Variants in TSHR observed in about 807,000 individuals in gnomAD.
The protein encoded by TSHR is thyroid stimulating hormone receptor, also known as thyrotropin receptor.
In TSHR, 51 loss-of-function variants were observed where a neutral mutation model predicts 64.1. The ratio of observed to expected loss-of-function variants is 0.80; its 90% CI spans 0.64 to 1.01. The LOEUF (loss-of-function observed/expected upper bound fraction) is 1.01. TSHR is among the 50% of genes least tolerant of loss of function. The pLI, the probability that TSHR is intolerant of heterozygous loss-of-function variation, is 0.00. For missense variants in TSHR, 877 were observed against 942.8 expected (o/e 0.93, Z 0.91); for synonymous variants, 361 against 361.9 (o/e 1.00, Z 0.03).
intron 8 of TSHR, among the ~76,000 whole-genome samples, chr14:81,111,601 A>G (rs746162321): frequency 1.3e-5 from 2 of 152,204 alleles, no homozygotes; most frequent in Non-Finnish European, 2.9e-5. Context: ...TGGTCCATCC[A>G]TATCGAACCT....
chr14:81,058,691 G>A (rs1886002891), intron 1 of TSHR, among the ~76,000 whole-genome samples: 1 of 152,154 alleles, frequency 6.6e-6, no homozygotes, highest in African/African-American at 2.4e-5. Flanking sequence ...CAAAAGTGAA[G>A]CACTTTGAAG....
intron 7 of TSHR, chr14:81,105,240 C>T: frequency 1.0e-6 from 1 of 984,876 alleles, no homozygotes; most frequent in Non-Finnish European, 1.2e-6. Context: ...GACTGATAAT[C>T]CCAGGAAATG....
chr14:81,137,795 C>G (rs1211487449), intron 8 of TSHR, among the ~76,000 whole-genome samples: 1 of 152,212 alleles, frequency 6.6e-6, no homozygotes, highest in Non-Finnish European at 1.5e-5. Context: ...AAAATGCAAA[C>G]ACATTACTTG....
chr14:81,121,735 A>C (rs1890800278), intron 8 of TSHR, among the ~76,000 whole-genome samples: 1 of 152,048 alleles, frequency 6.6e-6, no homozygotes. Flanking sequence ...TGAGGTCGGG[A>C]GTTTGAGGTC....
Position 81,144,302 on chromosome 14 carries a change from C to A in TSHR, c.2244C>A (p.Thr748=). 2 of 1,614,120 alleles carry A rather than the reference C, an allele frequency of 1.2e-6. No individual in the cohort carries two copies. The highest frequency in any genetic ancestry group is 4.5e-5 in the East Asian group (2 of 44,876). The change falls in exon 10 of 10, where the codon ACC becomes ACA. Residue 748 remains threonine, a synonymous_variant. Transcript: ENST00000298171. ...VYELIENSHL[T]PKKQGQISEE... is the part of the protein sequence containing the mutation. ...AACTGATTGAAAACTCCCATCTAAC[C>A]CCAAAGAAGCAAGGCCAAATCTCAG...
intron 8 of TSHR, among the ~76,000 whole-genome samples, chr14:81,120,895 A>G (rs1391042394): frequency 6.6e-6 from 1 of 152,192 alleles, no homozygotes; most frequent in Non-Finnish European, 1.5e-5. Flanking sequence ...AAAACAATAA[A>G]AGAGCTTTTG....
chr14:81,090,976 C>T, intron 4 of TSHR, 93 bp from the exon 5 acceptor site: 1 of 1,099,934 alleles, frequency 9.1e-7, no homozygotes, highest in Non-Finnish European at 1.4e-6. Flanking sequence ...CTTCAGAACC[C>T]ATGCTTTCAG....
chr14:81,143,906 G>A lies in TSHR; in HGVS notation c.1848G>A (p.Gly616=), dbSNP rs1891820168. The A allele has an allele frequency of 6.2e-7, 1 of 1,614,118 alleles. No individual in the cohort carries two copies. Among genetic ancestry groups the A allele is most frequent in the Non-Finnish European group, 8.5e-7 (1 of 1,180,036 alleles). The change falls in exon 10 of 10, where the codon GGG becomes GGA. Residue 616 remains glycine (G), a synonymous_variant. Transcript: ENST00000298171. ...TCCGAAATCCGCAGTACAACCCAGG[G>A]GACAAAGATACCAAAATTGCCAAGA... ...ITVRNPQYNP[G]DKDTKIAKRM...
chr14:81,121,914 G>C (rs1323776697), intron 8 of TSHR, among the ~76,000 whole-genome samples: 1 of 144,082 alleles, frequency 6.9e-6, no homozygotes, highest in Admixed American at 7.0e-5. Context: ...CTGCACTCCA[G>C]CCTGGGAGAC....
intron 3 of TSHR, among the ~76,000 whole-genome samples, chr14:81,079,209 G>T (rs141903538): frequency 2.8e-3 from 420 of 152,262 alleles, no homozygotes; most frequent in African/African-American, 9.7e-3. Flanking sequence ...TCTGCAAAAT[G>T]ATGAAACACT....
chr14:81,052,847 C>T (rs1022349864), intron 1 of TSHR: 2 of 151,802 alleles, frequency 1.3e-5, no homozygotes, highest in Non-Finnish European at 2.9e-5. Flanking sequence ...TTCATTGTTA[C>T]CATATAGAAA....
chr14:81,121,944 A>G (rs1451916130), intron 8 of TSHR, among the ~76,000 whole-genome samples: 10 of 150,904 alleles, frequency 6.6e-5, no homozygotes, highest in African/African-American at 2.4e-4. Flanking sequence ...CTCTGTCTCA[A>G]AAAAATAAAA....
intron 8 of TSHR, among the ~76,000 whole-genome samples, chr14:81,134,441 C>A (rs767957832): frequency 6.6e-6 from 1 of 151,754 alleles, no homozygotes; most frequent in Non-Finnish European, 1.5e-5. Flanking sequence ...CAACCAAATA[C>A]GCTGTTTTTA....
At chr14:81,019,563 A>G (rs1320855772) in intron 1 of TSHR, among the ~76,000 whole-genome samples, 1 of 151,134 alleles carries the variant, frequency 6.6e-6, no homozygotes, top group South Asian at 2.1e-4. Flanking sequence ...GCACCCATCA[A>G]CCCGTCATCT....
intron 8 of TSHR, among the ~76,000 whole-genome samples, chr14:81,127,783 G>A (rs1226460383): frequency 6.6e-6 from 1 of 152,188 alleles, no homozygotes; most frequent in South Asian, 2.1e-4. Context: ...CACCATGATT[G>A]TGAGGTGGGA....
At chr14:81,102,344 A>AT (rs1304714782) in intron 7 of TSHR, among the ~76,000 whole-genome samples, 1 of 151,160 alleles carries the variant, frequency 6.6e-6, no homozygotes, top group African/African-American at 2.5e-5. Context: ...GTGACAATGG[A>AT]TTTTCAATTC....
intron 1 of TSHR, among the ~76,000 whole-genome samples, chr14:80,978,839 A>G (rs1444138572): frequency 6.6e-6 from 1 of 151,956 alleles, no homozygotes; most frequent in Admixed American, 6.5e-5. Context: ...TCCTCTACCT[A>G]TCATTTAAAT....
Position 81,048,729 on chromosome 14 carries a change from G to A in TSHR, c.171-13419G>A, listed in dbSNP as rs376428628. On this transcript the variant is annotated intron_variant, in intron 1 of 9. Transcript: ENST00000298171. ...AGCGCTTAGTGAGATTACTATATTTGTTGTTTGTTTCTGAACTGCGTGATG... is the reference window on the plus strand; with the variant it reads ...AGCGCTTAGTGAGATTACTATATTTATTGTTTGTTTCTGAACTGCGTGATG... Among the ~76,000 whole-genome samples the A allele has an allele frequency of 2.4e-4, 37 of 152,288 alleles. No homozygotes were observed. The South Asian group carries it at 7.7e-3, about 32-fold the overall frequency.
chr14:81,016,508 T>C (rs1208775800), intron 1 of TSHR, among the ~76,000 whole-genome samples: 1 of 152,218 alleles, frequency 6.6e-6, no homozygotes, highest in Non-Finnish European at 1.5e-5. Context: ...TTCTTATATA[T>C]ACTGGATATT....
Sources: allele counts gnomAD v4.1 joint callset (sites outside exome capture counted in the v4.1 genomes callset), GRCh38; gene constraint gnomAD v4.1.1; transcripts MANE v1.5; gene names NCBI Gene and HGNC (gene_info 2026-07-23, HGNC 2026-07-21).